The following E2F7 variants were observed in gnomAD, a reference collection of about 807,000 sequenced individuals.
The protein encoded by E2F7 is E2F transcription factor 7, also known as transcription factor E2F7.
A neutral mutation model predicts 81.1 loss-of-function variants in E2F7; 35 were observed. The observed-to-expected ratio is 0.43, with a 90% CI of 0.33 to 0.57. The LOEUF (loss-of-function observed/expected upper bound fraction) is 0.57. E2F7 is among the 20% of genes least tolerant of loss of function. The probability of loss-of-function intolerance (pLI) is 0.04; values close to 1 mark genes in which losing one functional copy is unlikely to be tolerated. For missense variants in E2F7, 961 were observed against 1,093.7 expected, an observed-to-expected ratio of 0.88 and a Z score of 1.71; for synonymous variants, 416 against 416.2, an observed-to-expected ratio of 1.00 and a Z score of 0.01.
intron 3 of E2F7, among the ~76,000 whole-genome samples, chr12:77,055,632 C>A (rs1028261431): frequency 5.9e-5 from 9 of 152,132 alleles, no homozygotes; most frequent in Admixed American, 5.9e-4. Flanking sequence ...AATAATTTAT[C>A]ATTTTTAAAT....
chr12:77,034,069 T>C, intron 7 of E2F7, 27 bp from the exon 8 acceptor site: 1 of 1,590,772 alleles, frequency 6.3e-7, no homozygotes, highest in Non-Finnish European at 8.6e-7. Context: ...ATTGGTAGTG[T>C]TGTTATACAG....
intron 4 of E2F7, among the ~76,000 whole-genome samples, chr12:77,047,980 T>G (rs1179463058): frequency 6.6e-6 from 1 of 152,200 alleles, no homozygotes; most frequent in African/African-American, 2.4e-5. Context: ...GGCTGTTTTG[T>G]TAGTTGATAT....
At chr12:77,037,029 G>A (rs377486969) in intron 7 of E2F7, among the ~76,000 whole-genome samples, 23 of 152,244 alleles carry the variant, frequency 1.5e-4, no homozygotes, top group East Asian at 7.7e-4. Flanking sequence ...GATTACAGGC[G>A]TGAGCCACCG....
chr12:77,055,761 T>C (rs1955026469), intron 3 of E2F7, 94 bp downstream of exon 3: 4 of 1,438,170 alleles, frequency 2.8e-6, no homozygotes, highest in African/African-American at 2.9e-5. Flanking sequence ...TTTGGCTCAA[T>C]AGGAGCTGAA....
intron 4 of E2F7, among the ~76,000 whole-genome samples, chr12:77,049,835 T>C (rs1954971617): frequency 6.6e-6 from 1 of 152,238 alleles, no homozygotes; most frequent in African/African-American, 2.4e-5. Flanking sequence ...TTTTCTTTTT[T>C]GTGTGTATGT....
At chr12:77,026,405 C>T (rs1954760454) in intron 11 of E2F7, among the ~76,000 whole-genome samples, 1 of 152,054 alleles carries the variant, frequency 6.6e-6, no homozygotes, top group Admixed American at 6.6e-5. Context: ...TGGGCTCAAG[C>T]AGTCGTCCCA....
intron 7 of E2F7, among the ~76,000 whole-genome samples, chr12:77,038,902 C>T (rs765499649): frequency 2.6e-5 from 4 of 152,134 alleles, no homozygotes; most frequent in African/African-American, 2.4e-5. Flanking sequence ...TAAATTCTTC[C>T]AAACGTTTAA....
At chr12:77,033,183 A>C (rs1954820042) in intron 8 of E2F7, 61 bp from the exon 9 acceptor site, 1 of 1,383,860 alleles carries the variant, frequency 7.2e-7, no homozygotes, top group Admixed American at 1.8e-5. Context: ...CCAACTATAT[A>C]CTGAGAATTA....
chr12:77,043,052 C>T lies in E2F7; in HGVS notation c.1123+13G>A. 2 of 1,613,882 alleles carry T rather than the reference C, an allele frequency of 1.2e-6. No homozygotes were observed. The highest frequency in any genetic ancestry group is 1.7e-6 in the Non-Finnish European group (2 of 1,179,848). On this transcript the variant is annotated intron_variant, in intron 7 of 12. Coordinates refer to ENST00000322886, the MANE Select transcript of E2F7 (RefSeq NM_203394.3). ...AAATAAAACAGCCTGCTAGCAAAACCACGCCACCTTACCACTTGAGCTGAA... is the reference window on the plus strand; with the variant it reads ...AAATAAAACAGCCTGCTAGCAAAACTACGCCACCTTACCACTTGAGCTGAA...
At chr12:77,064,347 C>T (rs1016365561) in intron 2 of E2F7, among the ~76,000 whole-genome samples, 196 bp downstream of exon 2, 1 of 152,134 alleles carries the variant, frequency 6.6e-6, no homozygotes, top group Non-Finnish European at 1.5e-5. Context: ...CCTATTTTTC[C>T]CACTATATCT....
chr12:77,054,120 G>T (rs1246570638), intron 3 of E2F7, among the ~76,000 whole-genome samples: 1 of 151,798 alleles, frequency 6.6e-6, no homozygotes, highest in Non-Finnish European at 1.5e-5. Context: ...CTACCTATTG[G>T]GTATTATGCT....
At position 77,046,345 on chromosome 12, in the gene E2F7, G is replaced by A. The variant is rs1954942890; in HGVS notation, c.539-17C>T. ...TTTCCACACCTGTTTGAAAAACAGAGGCTGATGGACATCATGCAGACAAAC... is the reference window on the plus strand; with the variant it reads ...TTTCCACACCTGTTTGAAAAACAGAAGCTGATGGACATCATGCAGACAAAC... On this transcript the variant is annotated splice_polypyrimidine_tract_variant and intron_variant, in intron 4 of 12. Transcript: ENST00000322886. 3.7e-6 allele frequency: 6 copies of A among 1,604,818 alleles called. No homozygotes were observed. Among genetic ancestry groups the A allele is most frequent in the Non-Finnish European group, 5.1e-6 (6 of 1,174,720 alleles).
Position 77,056,088 on chromosome 12 carries a change from G to A in E2F7, c.136C>T (p.Pro46Ser). Reference sequence around the variant, plus strand: ...AAATCAATTGGTTCATTTTTTATTGGAGTCTTCGGGGCCATCCTTGATCGA... The same window carrying A: ...AAATCAATTGGTTCATTTTTTATTGAAGTCTTCGGGGCCATCCTTGATCGA... ...VDRSRMAPKT[P>S]IKNEPIDLSK... Residue 46 changes from proline (P) to serine (S), a missense_variant, in exon 3 of 13, where the codon CCA (proline) becomes TCA (serine). By Grantham distance (74) the Pro-to-Ser change is moderately conservative. This residue lies in a region of E2F7 where 73 missense variants were observed against 68.4 expected (regional missense o/e 1.07). Coordinates refer to ENST00000322886, the MANE Select transcript of E2F7 (RefSeq NM_203394.3). The A allele has an allele frequency of 6.2e-7, 1 of 1,613,794 alleles. No individual in the cohort carries two copies. Among genetic ancestry groups the A allele is most frequent in the South Asian group, 1.1e-5 (1 of 91,042 alleles).
chr12:77,027,744 A>G (rs1176477123), intron 11 of E2F7, 139 bp downstream of exon 11: 2 of 1,175,442 alleles, frequency 1.7e-6, no homozygotes, highest in Non-Finnish European at 1.2e-6. Flanking sequence ...ATAGATGGAG[A>G]AAACAAAGGG....
In E2F7 at chr12:77,023,870, G is replaced by T; in HGVS notation, c.*145C>A. ...ATTAATTACTTTCAGGAAATCAGAT[G>T]ATTGATGGTGGTGGGAAGTTAACAG... On this transcript the variant is annotated 3_prime_UTR_variant, in exon 13 of 13. Coordinates refer to ENST00000322886, the MANE Select transcript of E2F7 (RefSeq NM_203394.3). 1.0e-6 allele frequency: 1 copy of T among 963,332 alleles called. No homozygotes were observed. The highest frequency in any genetic ancestry group is 1.5e-6 in the Non-Finnish European group (1 of 653,710). 59.7% of individuals were successfully genotyped at this position (963,332 alleles called of 1,614,324 possible). A position where few individuals can be genotyped will look rare whatever the true frequency, so the allele number is the denominator to read the frequency against.
At chr12:77,025,079 A>G (rs376141421) in intron 12 of E2F7, among the ~76,000 whole-genome samples, 11 of 146,722 alleles carry the variant, frequency 7.5e-5, no homozygotes, top group East Asian at 3.9e-4. Context: ...ATACATACAG[A>G]CATTATACAC....
At chr12:77,039,807 G>A (rs777292107) in intron 7 of E2F7, among the ~76,000 whole-genome samples, 4 of 152,080 alleles carry the variant, frequency 2.6e-5, no homozygotes, top group Non-Finnish European at 4.4e-5. Flanking sequence ...CCATTCCTAG[G>A]TATTTACCCA....
intron 9 of E2F7, among the ~76,000 whole-genome samples, chr12:77,030,680 A>G (rs1352712665): frequency 6.6e-6 from 1 of 152,206 alleles, no homozygotes; most frequent in African/African-American, 2.4e-5. Flanking sequence ...TAGCATTAAT[A>G]GTATAACAAT....
At chr12:77,028,788 T>A (rs970793156) in intron 10 of E2F7, among the ~76,000 whole-genome samples, 2 of 152,208 alleles carry the variant, frequency 1.3e-5, no homozygotes, top group African/African-American at 4.8e-5. Context: ...TAGTAAATCT[T>A]AATAACAGCT....
Sources: gnomAD v4.1 joint callset for allele counts (sites outside exome capture counted in the v4.1 genomes callset) on GRCh38, gnomAD v4.1.1 for gene constraint, gnomAD v4.1.1 regional missense constraint, MANE v1.5 for transcripts, NCBI Gene and HGNC (gene_info 2026-07-23, HGNC 2026-07-21) for gene names.